C8orf89: variants seen among roughly 807,000 people sequenced by gnomAD.
C8orf89 encodes the protein chromosome 8 open reading frame 89, also known as putative uncharacterized protein C8orf89.
Under a neutral mutation model 15.8 loss-of-function variants are expected in C8orf89, and 14 were observed. The observed-to-expected ratio is 0.89, with a 90% confidence interval of 0.59 to 1.39. The LOEUF (loss-of-function observed/expected upper bound fraction) is 1.39, where lower values mean the gene tolerates loss of function less well. Among genes scored for constraint, C8orf89 ranks in the 40% most tolerant of loss-of-function variants. The pLI is 0.00. For synonymous variants in C8orf89, 55 were observed against 62.2 expected (o/e 0.88, Z 0.54); for missense variants, 181 against 184.5 (o/e 0.98, Z 0.11).
chr8:73,246,568 G>A (rs1003208619), intron 3 of C8orf89, among the ~76,000 whole-genome samples: 4 of 152,096 alleles, frequency 2.6e-5, no homozygotes, highest in East Asian at 1.9e-4. Context: ...TAGTAGAGAC[G>A]GAGTCTCATC....
chr8:73,273,196 C>A, the C8orf89 span, among the ~76,000 whole-genome samples: 1 of 152,158 alleles, frequency 6.6e-6, no homozygotes, highest in East Asian at 1.9e-4. Context: ...AAGCCGTGCC[C>A]GTTTCTGAGT....
At chr8:73,251,894 T>G (rs911333169) in intron 2 of C8orf89, among the ~76,000 whole-genome samples, 4 of 152,214 alleles carry the variant, frequency 2.6e-5, no homozygotes, top group African/African-American at 4.8e-5. Flanking sequence ...CAAAGGGCAC[T>G]GTGACCCTTG....
chr8:73,274,579 C>A, the C8orf89 span, among the ~76,000 whole-genome samples: 3 of 152,124 alleles, frequency 2.0e-5, no homozygotes, highest in African/African-American at 7.2e-5. Context: ...TAAATATTAG[C>A]AAAATTTAAG....
the C8orf89 span, among the ~76,000 whole-genome samples, chr8:73,273,088 C>G: frequency 5.9e-5 from 9 of 152,206 alleles, no homozygotes. Flanking sequence ...CAGCGGCAAC[C>G]GGCCTGGAGT....
At chr8:73,276,805 A>ATTTCTTTTT in the C8orf89 span, among the ~76,000 whole-genome samples, 1 of 87,640 alleles carries the variant, frequency 1.1e-5, no homozygotes, top group Non-Finnish European at 2.1e-5. Flanking sequence ...CACAGCAGTC[A>ATTTCTTTTT]TTTTTTTTTT....
chr8:73,259,235 G>A (rs1813474093), intron 1 of C8orf89, 97 bp downstream of exon 1: 1 of 693,014 alleles, frequency 1.4e-6, no homozygotes, highest in Non-Finnish European at 2.1e-6. Context: ...TTACATAAAT[G>A]TCACAGAAAA....
the C8orf89 span, among the ~76,000 whole-genome samples, chr8:73,270,095 G>A: frequency 6.6e-6 from 1 of 152,202 alleles, no homozygotes; most frequent in South Asian, 2.1e-4. Flanking sequence ...TAGTGGAAGA[G>A]AATAGAATCA....
intron 1 of C8orf89, among the ~76,000 whole-genome samples, chr8:73,258,138 G>A (rs1462683240): frequency 6.6e-6 from 1 of 152,144 alleles, no homozygotes; most frequent in African/African-American, 2.4e-5. Context: ...TTGGCTGGGC[G>A]TGGTGGCTTA....
chr8:73,271,152 A>T, the C8orf89 span, among the ~76,000 whole-genome samples: 2,264 of 152,292 alleles, frequency 0.015, 54 homozygotes, highest in African/African-American at 0.052. Flanking sequence ...AATCTTGAGA[A>T]CTAGCACACT....
chr8:73,267,614 A>G, the C8orf89 span, among the ~76,000 whole-genome samples: 1 of 152,220 alleles, frequency 6.6e-6, no homozygotes, highest in Non-Finnish European at 1.5e-5. Context: ...ATAAAATATT[A>G]CCATTTTGCA....
intron 2 of C8orf89, among the ~76,000 whole-genome samples, chr8:73,251,768 C>G (rs190604003): frequency 6.6e-6 from 1 of 152,278 alleles, no homozygotes; most frequent in Non-Finnish European, 1.5e-5. Flanking sequence ...TTCCAGGCTT[C>G]CAGTATCTTT....
chr8:73,276,539 G>C, the C8orf89 span, among the ~76,000 whole-genome samples: 1 of 152,086 alleles, frequency 6.6e-6, no homozygotes, highest in Admixed American at 6.6e-5. Flanking sequence ...ACAAATCTTT[G>C]AGGTTAGAAT....
At chr8:73,277,459 T>A in the C8orf89 span, 2 of 1,057,256 alleles carry the variant, frequency 1.9e-6, no homozygotes, top group Non-Finnish European at 2.8e-6. Flanking sequence ...TTTTTCTCGG[T>A]GCTCGAGAAG....
intron 2 of C8orf89, among the ~76,000 whole-genome samples, chr8:73,256,600 C>T (rs1039001542): frequency 1.9e-4 from 29 of 151,328 alleles, no homozygotes; most frequent in Non-Finnish European, 3.2e-4. Flanking sequence ...TGGTGGCGGG[C>T]GCCTGTAATC....
At chr8:73,274,193 G>A in the C8orf89 span, among the ~76,000 whole-genome samples, 2 of 151,576 alleles carry the variant, frequency 1.3e-5, no homozygotes, top group African/African-American at 2.4e-5. Flanking sequence ...TTGCTCTGTC[G>A]CCCAGGCTGG....
the C8orf89 span, among the ~76,000 whole-genome samples, chr8:73,277,188 G>C: frequency 6.6e-6 from 1 of 152,002 alleles, no homozygotes; most frequent in Non-Finnish European, 1.5e-5. Context: ...GTCAGTTGGG[G>C]CTATTTTGCC....
Position 73,253,730 on chromosome 8 carries a change from C to G in C8orf89, c.281+3243G>C, listed in dbSNP as rs1173257693. Among the ~76,000 whole-genome samples, 5 of 149,884 alleles carry G rather than the reference C, an allele frequency of 3.3e-5. No individual in the cohort carries two copies. The East Asian group carries it at 9.7e-4, about 29-fold the overall frequency. The stretch of plus-strand genomic sequence containing the variant: ...ATGGGAGTTCATTCATGATTTGGCT[C>G]TCTGTCTGTTATTGGTGTATAAGAA... On this transcript the variant is annotated intron_variant, in intron 2 of 3. Transcript: ENST00000624510.
the C8orf89 span, among the ~76,000 whole-genome samples, chr8:73,271,535 C>T: frequency 6.6e-6 from 1 of 152,284 alleles, no homozygotes; most frequent in Non-Finnish European, 1.5e-5. Context: ...CACAAAAGCC[C>T]TTGCCAGAAG....
At chr8:73,250,899 A>T (rs1169604904) in intron 2 of C8orf89, among the ~76,000 whole-genome samples, 1 of 152,112 alleles carries the variant, frequency 6.6e-6, no homozygotes, top group Non-Finnish European at 1.5e-5. Context: ...CCTAGGCTCA[A>T]GCAATTTTCC....
Sources: gnomAD v4.1 joint callset for allele counts (sites outside exome capture counted in the v4.1 genomes callset) on GRCh38, gnomAD v4.1.1 for gene constraint, MANE v1.5 for transcripts, NCBI Gene and HGNC (gene_info 2026-07-23, HGNC 2026-07-21) for gene names.